The following FBXL14 variants were observed in gnomAD, a reference collection of about 807,000 sequenced individuals.
FBXL14 encodes F-box and leucine rich repeat protein 14, also known as F-box/LRR-repeat protein 14.
FBXL14 carries 11 observed loss-of-function variants against 24.5 expected under a neutral mutation model. The observed-to-expected ratio is 0.45, with a 90% confidence interval of 0.28 to 0.74. FBXL14 has a LOEUF of 0.74. Among genes scored for constraint, FBXL14 ranks in the 30% least tolerant of loss-of-function variants. FBXL14 has a pLI of 0.12. For synonymous variants in FBXL14, 294 were observed against 240.4 expected (o/e 1.22, Z -2.06); for missense variants, 384 against 545.6 (o/e 0.70, Z 2.95).
At position 1,574,909 on chromosome 12, in the gene FBXL14, TAAAAA is replaced by T. The variant is rs199878982; in HGVS notation, c.1195-8104_1195-8100del. ...TATTTGAGAAGTTAGGAGCTTTTTT[TAAAAA>T]AAAAAATTATCTTTGATAAATTTAG... On this transcript the variant is annotated intron_variant, in intron 1 of 1. Coordinates refer to ENST00000339235, the MANE Select transcript of FBXL14 (RefSeq NM_152441.3). 575 of 150,372 alleles carry T rather than the reference TAAAAA, an allele frequency of 3.8e-3. 2 individuals carry two copies. The highest frequency in any genetic ancestry group is 0.012 in the African/African-American group (478 of 41,134). The allele number at this position is 150,372 out of a possible 1,614,324, so 9.3% of individuals were successfully genotyped here. A position where few individuals can be genotyped will look rare whatever the true frequency, so the allele number is the denominator to read the frequency against.
Position 1,593,674 on chromosome 12 carries a change from A to T in FBXL14, c.393T>A (p.Thr131=), listed in dbSNP as rs1200559046. Residue 131 remains threonine (T), a synonymous_variant, in exon 1 of 2, where the codon ACT becomes ACA. Transcript: ENST00000339235. This position sits in a 1 kb window ranked among gnomAD's most constrained non-coding sequence, Gnocchi z 7.4. ...ALNLSLCKQI[T]DSSLGRIAQY... ...GGGCTATGCGGCCCAGGCTGCTGTC[A>T]GTGATCTGCTTGCAGAGGCTCAGGT... 2 of 1,614,160 alleles carry T rather than the reference A, an allele frequency of 1.2e-6. No individual in the cohort carries two copies. The highest frequency in any genetic ancestry group is 4.5e-5 in the East Asian group (2 of 44,884).
In FBXL14 at chr12:1,593,242, G is replaced by T. The variant is rs759624822; in HGVS notation, c.825C>A (p.Ala275=). The part of the protein sequence containing the change: ...NISDTGIMHL[A]MGSLRLSGLD... ...GCCCCGAGAGGCGCAGGCTGCCCATGGCCAGATGCATGATGCCCGTGTCAC... is the reference window on the plus strand; with the variant it reads ...GCCCCGAGAGGCGCAGGCTGCCCATTGCCAGATGCATGATGCCCGTGTCAC... Residue 275 remains alanine, a synonymous_variant, in exon 1 of 2, where the codon GCC becomes GCA. Transcript: ENST00000339235. This position sits in a 1 kb window ranked among gnomAD's most constrained non-coding sequence, Gnocchi z 7.4. 6.2e-7 allele frequency: 1 copy of T among 1,612,766 alleles called. No individual in the cohort carries two copies. Among genetic ancestry groups the T allele is most frequent in the Admixed American group, 1.7e-5 (1 of 60,026 alleles).
chr12:1,566,838 T>C, intron 1 of FBXL14, 28 bp from the exon 2 acceptor site: 2 of 780,524 alleles, frequency 2.6e-6, no homozygotes, highest in Admixed American at 1.7e-5. Context: ...AAAAGGACCA[T>C]TTTGAAAGAG....
At chr12:1,568,631 G>T (rs1046736610) in intron 1 of FBXL14, among the ~76,000 whole-genome samples, 6 of 152,270 alleles carry the variant, frequency 3.9e-5, no homozygotes, top group African/African-American at 1.2e-4. Flanking sequence ...TACAAGGGAT[G>T]AGGGGAGGAA....
At position 1,593,242 on chromosome 12, in the gene FBXL14, G is replaced by A. The variant is rs759624822; in HGVS notation, c.825C>T (p.Ala275=). The part of the protein sequence containing the change: ...NISDTGIMHL[A]MGSLRLSGLD... ...GCCCCGAGAGGCGCAGGCTGCCCAT[G>A]GCCAGATGCATGATGCCCGTGTCAC... The change falls in exon 1 of 2, where the codon GCC becomes GCT. Residue 275 remains alanine (A), a synonymous_variant. Transcript: ENST00000339235. The surrounding 1 kb of genome is among the most constrained non-coding windows in gnomAD (Gnocchi z 7.4). 3.1e-6 allele frequency: 5 copies of A among 1,612,766 alleles called. No homozygotes were observed. The highest frequency in any genetic ancestry group is 4.2e-6 in the Non-Finnish European group (5 of 1,180,020).
At chr12:1,590,559 G>A (rs1371379440) in intron 1 of FBXL14, among the ~76,000 whole-genome samples, 2 of 152,108 alleles carry the variant, frequency 1.3e-5, no homozygotes, top group African/African-American at 4.8e-5. Flanking sequence ...AGATTATTTT[G>A]TTACTGTCTA....
At chr12:1,568,099 C>T (rs1165553082) in intron 1 of FBXL14, among the ~76,000 whole-genome samples, 1 of 152,168 alleles carries the variant, frequency 6.6e-6, no homozygotes, top group Non-Finnish European at 1.5e-5. Flanking sequence ...AAAAACTACA[C>T]CTGGGCATAT....
At chr12:1,571,191 TG>T (rs1396123742) in intron 1 of FBXL14, among the ~76,000 whole-genome samples, 5 of 136,966 alleles carry the variant, frequency 3.7e-5, no homozygotes, top group Admixed American at 7.3e-5. Context: ...TTTTTTCTGG[TG>T]GGGTTTTTTT....
chr12:1,586,314 A>G (rs1248173312), intron 1 of FBXL14, among the ~76,000 whole-genome samples: 1 of 151,848 alleles, frequency 6.6e-6, no homozygotes, highest in Non-Finnish European at 1.5e-5. Flanking sequence ...AGCTCTGATC[A>G]TGCCACTGCA....
chr12:1,582,965 C>T (rs567362710), intron 1 of FBXL14, among the ~76,000 whole-genome samples: 1 of 152,272 alleles, frequency 6.6e-6, no homozygotes, highest in East Asian at 1.9e-4. Context: ...AGTTCTGCTA[C>T]CTTGTCCTAA....
At chr12:1,585,069 A>C (rs895540469) in intron 1 of FBXL14, among the ~76,000 whole-genome samples, 4 of 152,194 alleles carry the variant, frequency 2.6e-5, no homozygotes, top group African/African-American at 9.7e-5. Context: ...TTTAGTGACT[A>C]CGTCTCAGAA....
Position 1,594,079 on chromosome 12 carries a change from C to A in FBXL14, c.-13G>T, listed in dbSNP as rs747744647. ...TGTGGGTCTCCATCTTCCTCCTCCC[C>A]CCTCCGCGGCGCTGGGGGGAGGAGG... is the stretch of plus-strand genomic sequence containing the variant. On this transcript the variant is annotated 5_prime_UTR_variant, in exon 1 of 2. Transcript: ENST00000339235. 12 of 1,430,948 alleles carry A rather than the reference C, an allele frequency of 8.4e-6. No homozygotes were observed. Among genetic ancestry groups the A allele is most frequent in the East Asian group, 7.9e-5 (3 of 38,208 alleles). The allele number at this position is 1,430,948 out of a possible 1,614,324, so 88.6% of individuals were successfully genotyped here. A position where few individuals can be genotyped will look rare whatever the true frequency, so the allele number is the denominator to read the frequency against.
chr12:1,583,952 G>A (rs984744775), intron 1 of FBXL14, among the ~76,000 whole-genome samples: 3 of 152,108 alleles, frequency 2.0e-5, no homozygotes, highest in Admixed American at 6.5e-5. Flanking sequence ...GGGCTGGGGA[G>A]GCTGAAGCAA....
chr12:1,593,126 G>A lies in FBXL14; in HGVS notation c.941C>T (p.Ser314Phe), dbSNP rs2094494253. 1 of 1,613,560 alleles carries A rather than the reference G, an allele frequency of 6.2e-7. No homozygotes were observed. The highest frequency in any genetic ancestry group is 1.1e-5 in the South Asian group (1 of 91,092). ...GATGCCATCATCACTGATGTGGCAG[G>A]AGCAGAGGGAGAGAGACTTGAGGCC... is the stretch of plus-strand genomic sequence containing the variant. Reference protein sequence around the residue: ...LDGLKSLSLCSCHISDDGINR... With the variant: ...LDGLKSLSLCFCHISDDGINR... The change falls in exon 1 of 2, where the codon TCC (serine) becomes TTC (phenylalanine). Residue 314 changes from serine (S) to phenylalanine (F), a missense_variant. Ser to Phe is a radical substitution (Grantham distance 155). Coordinates refer to ENST00000339235, the MANE Select transcript of FBXL14 (RefSeq NM_152441.3). The surrounding 1 kb of genome is among the most constrained non-coding windows in gnomAD (Gnocchi z 7.4).
intron 1 of FBXL14, among the ~76,000 whole-genome samples, chr12:1,572,614 AT>A (rs2094447247): frequency 9.7e-6 from 1 of 102,906 alleles, no homozygotes; most frequent in Non-Finnish European, 2.4e-5. Context: ...CCTGACGCAC[AT>A]ACAGGTCGGG....
rs1338576145 is a variant in FBXL14 at position 1,566,328 on chromosome 12, T to C, written c.*420A>G. The C allele has an allele frequency of 6.5e-6, 1 of 153,634 alleles. No individual in the cohort carries two copies. Among genetic ancestry groups the C allele is most frequent in the Non-Finnish European group, 1.4e-5 (1 of 68,974 alleles). 9.5% of individuals were successfully genotyped at this position (153,634 alleles called of 1,614,324 possible). ...ACGTTCTCAGTAATACATATCATCA[T>C]TATATATATCATCATCTTATATGTA... On this transcript the variant is annotated 3_prime_UTR_variant, in exon 2 of 2. Coordinates refer to ENST00000339235, the MANE Select transcript of FBXL14 (RefSeq NM_152441.3).
rs139542200 is a variant in FBXL14 at position 1,568,734 on chromosome 12, G to A, written c.1195-1924C>T. ...AAATTAGCCTGGCGTGGTGGCGGGCGCCTGTAATCCCAGCTACTCGCGAGG... is the reference window on the plus strand; with the variant it reads ...AAATTAGCCTGGCGTGGTGGCGGGCACCTGTAATCCCAGCTACTCGCGAGG... On this transcript the variant is annotated intron_variant, in intron 1 of 1. Coordinates refer to ENST00000339235, the MANE Select transcript of FBXL14 (RefSeq NM_152441.3). Among the ~76,000 whole-genome samples the A allele has an allele frequency of 2.0e-3, 298 of 152,144 alleles. 1 individual carries two copies. The highest frequency in any genetic ancestry group is 6.8e-3 in the Middle Eastern group (2 of 294).
At chr12:1,584,471 G>C (rs1387477352) in intron 1 of FBXL14, among the ~76,000 whole-genome samples, 1 of 152,074 alleles carries the variant, frequency 6.6e-6, no homozygotes, top group East Asian at 1.9e-4. Flanking sequence ...GTAGGGAAGA[G>C]AGAGGCCAGC....
chr12:1,587,636 C>T (rs2094479727), intron 1 of FBXL14: 1 of 152,160 alleles, frequency 6.6e-6, no homozygotes, highest in Non-Finnish European at 1.5e-5. Flanking sequence ...TGCTCTTGTT[C>T]CAACTGTGCA....
Sources: allele counts gnomAD v4.1 joint callset (sites outside exome capture counted in the v4.1 genomes callset), GRCh38; gene constraint gnomAD v4.1.1; non-coding constraint Gnocchi (gnomAD v3.1); transcripts MANE v1.5; gene names NCBI Gene and HGNC (gene_info 2026-07-23, HGNC 2026-07-21).